The following NBAS variants were observed in gnomAD, a reference collection of about 807,000 sequenced individuals.
The protein encoded by NBAS is NAG/BC035112 fusion.
Under a neutral mutation model 302.5 loss-of-function variants are expected in NBAS, and 219 were observed. The observed-to-expected ratio is 0.72, with a 90% CI of 0.65 to 0.81. The LOEUF (loss-of-function observed/expected upper bound fraction) is 0.81. Among genes scored for constraint, NBAS ranks in the 30% least tolerant of loss-of-function variants. The pLI is 0.00. For synonymous variants in NBAS, 1,118 were observed against 1,021.6 expected (o/e 1.09, Z -1.80); for missense variants, 2,932 against 2,841.6 (o/e 1.03, Z -0.72).
chr2:15,267,932 A>G (rs1216378948), intron 44 of NBAS, among the ~76,000 whole-genome samples: 1 of 152,186 alleles, frequency 6.6e-6, no homozygotes, highest in Non-Finnish European at 1.5e-5. Flanking sequence ...ACTTTTATAA[A>G]GTATTATTAA....
At chr2:15,355,863 A>G (rs150481338) in intron 33 of NBAS, among the ~76,000 whole-genome samples, 2 of 152,272 alleles carry the variant, frequency 1.3e-5, no homozygotes, top group Admixed American at 1.3e-4. Flanking sequence ...TTTCCTTTAT[A>G]AATTACCCAG....
chr2:15,188,497 G>T (rs1665191194), intron 49 of NBAS, among the ~76,000 whole-genome samples: 1 of 152,164 alleles, frequency 6.6e-6, no homozygotes, highest in Non-Finnish European at 1.5e-5. Context: ...TTATGCCCTG[G>T]TTATCTCTTA....
At chr2:14,852,601 C>T in the NBAS span, among the ~76,000 whole-genome samples, 1 of 124,930 alleles carries the variant, frequency 8.0e-6, no homozygotes, top group African/African-American at 3.4e-5. Flanking sequence ...CAAAAAAGAG[C>T]CCGCACCGCC....
chr2:15,545,831 A>C (rs1455525107), intron 6 of NBAS, among the ~76,000 whole-genome samples: 1 of 152,232 alleles, frequency 6.6e-6, no homozygotes, highest in African/African-American at 2.4e-5. Context: ...AAGATGTTAC[A>C]AAAGAGCAAT....
chr2:15,475,896 C>T lies in NBAS; in HGVS notation c.1148-16G>A. 6.4e-7 allele frequency: 1 copy of T among 1,571,866 alleles called. No homozygotes were observed. Among genetic ancestry groups the T allele is most frequent in the South Asian group, 1.1e-5 (1 of 89,446 alleles). On this transcript the variant is annotated splice_polypyrimidine_tract_variant and intron_variant, in intron 13 of 51. Coordinates refer to ENST00000281513, the MANE Select transcript of NBAS (RefSeq NM_015909.4). ...GACTCTTTATCTAAGAAGCGAAAAA[C>T]AAATCAATACAAATGCATCTGCTAA...
intron 44 of NBAS, among the ~76,000 whole-genome samples, chr2:15,274,074 C>T (rs1437765009): frequency 1.3e-5 from 2 of 150,792 alleles, no homozygotes; most frequent in Non-Finnish European, 3.0e-5. Context: ...AGCGAGACTC[C>T]GTCTCAAAAA....
the NBAS span, among the ~76,000 whole-genome samples, chr2:14,905,302 A>G: frequency 1.3e-5 from 2 of 152,212 alleles, no homozygotes; most frequent in Non-Finnish European, 2.9e-5. Flanking sequence ...AAATGGAGTA[A>G]CTCTAGTGAG....
intron 11 of NBAS, among the ~76,000 whole-genome samples, chr2:15,492,833 C>G (rs934362987): frequency 6.6e-6 from 1 of 152,172 alleles, no homozygotes; most frequent in Non-Finnish European, 1.5e-5. Flanking sequence ...ATTATCCCAA[C>G]AGTAACTGTG....
the NBAS span, among the ~76,000 whole-genome samples, chr2:15,016,732 C>T: frequency 0.013 from 1,967 of 152,082 alleles, 39 homozygotes; most frequent in African/African-American, 0.036. Flanking sequence ...GATACTAAAA[C>T]GCTGTAGTAA....
At chr2:15,229,793 A>AG (rs1012297106) in intron 47 of NBAS, among the ~76,000 whole-genome samples, 2 of 151,908 alleles carry the variant, frequency 1.3e-5, no homozygotes, top group African/African-American at 4.8e-5. Context: ...AAAAAAAAAA[A>AG]GAAAAGAAAA....
the NBAS span, among the ~76,000 whole-genome samples, chr2:14,857,676 A>G: frequency 2.6e-5 from 4 of 152,224 alleles, no homozygotes; most frequent in Non-Finnish European, 5.9e-5. Context: ...TCAAATCAAA[A>G]TGGATTAAAG....
intron 9 of NBAS, among the ~76,000 whole-genome samples, chr2:15,520,918 T>C (rs1662638592): frequency 6.6e-6 from 1 of 152,262 alleles, no homozygotes; most frequent in Non-Finnish European, 1.5e-5. Context: ...TAGGTTTCTC[T>C]ACATACACAA....
the NBAS span, among the ~76,000 whole-genome samples, chr2:14,916,560 C>T: frequency 6.6e-6 from 1 of 151,198 alleles, no homozygotes; most frequent in Non-Finnish European, 1.5e-5. Flanking sequence ...AGCTAAATAT[C>T]ATGCTTAGAT....
At chr2:15,140,200 C>T in the NBAS span, among the ~76,000 whole-genome samples, 8 of 152,328 alleles carry the variant, frequency 5.3e-5, no homozygotes, top group East Asian at 9.6e-4. Flanking sequence ...CCGCCTCAAC[C>T]GTGAGACAAG....
chr2:15,491,926 T>C (rs1680873487), intron 11 of NBAS, among the ~76,000 whole-genome samples: 1 of 152,166 alleles, frequency 6.6e-6, no homozygotes, highest in South Asian at 2.1e-4. Flanking sequence ...AGGTACTGTT[T>C]CTCCTCTACA....
the NBAS span, among the ~76,000 whole-genome samples, chr2:15,119,361 T>A: frequency 7.0e-6 from 1 of 142,426 alleles, no homozygotes; most frequent in African/African-American, 2.6e-5. Flanking sequence ...CAGGCCAGAG[T>A]GCAGTGGCAC....
chr2:14,968,920 T>C, the NBAS span, among the ~76,000 whole-genome samples: 2 of 152,280 alleles, frequency 1.3e-5, no homozygotes, highest in South Asian at 2.1e-4. Flanking sequence ...ATATTTACAA[T>C]AGCCAGAAAG....
the NBAS span, among the ~76,000 whole-genome samples, chr2:14,958,653 T>G: frequency 0.16 from 24,758 of 152,234 alleles, 2,830 homozygotes; most frequent in African/African-American, 0.33. Context: ...CTTAAAGATG[T>G]TTATTAACAA....
chr2:15,143,179 C>T, the NBAS span, among the ~76,000 whole-genome samples: 1 of 152,168 alleles, frequency 6.6e-6, no homozygotes, highest in South Asian at 2.1e-4. Flanking sequence ...GGTACTCAGC[C>T]CCTTTCTACA....
Sources: gnomAD v4.1 joint callset for allele counts (sites outside exome capture counted in the v4.1 genomes callset) on GRCh38, gnomAD v4.1.1 for gene constraint, MANE v1.5 for transcripts, NCBI Gene and HGNC (gene_info 2026-07-23, HGNC 2026-07-21) for gene names.